The following ZSWIM4 variants were observed in gnomAD, a reference collection of about 807,000 sequenced individuals.
ZSWIM4 encodes zinc finger SWIM domain-containing protein 4.
ZSWIM4 carries 62 observed loss-of-function variants against 102.5 expected under a neutral mutation model. The ratio of observed to expected loss-of-function variants is 0.60; its 90% CI spans 0.49 to 0.75. The LOEUF (loss-of-function observed/expected upper bound fraction) is 0.75, where lower values mean the gene tolerates loss of function less well. Ranked by LOEUF, ZSWIM4 falls within the 30% of genes least tolerant of loss-of-function variation. The pLI is 0.00. For synonymous variants in ZSWIM4, 652 were observed against 674.5 expected, an observed-to-expected ratio of 0.97 and a Z score of 0.52; for missense variants, 1,280 against 1,529.6, an observed-to-expected ratio of 0.84 and a Z score of 2.72.
intron 3 of ZSWIM4, among the ~76,000 whole-genome samples, chr19:13,805,979 A>T (rs1974909464): frequency 6.6e-6 from 1 of 151,236 alleles, no homozygotes; most frequent in Admixed American, 6.6e-5. Context: ...TCCAAAAAAA[A>T]AAAAAGCGTT....
rs1025988217 is a variant in ZSWIM4, at chr19:13,809,486, CG to C, written c.1012+267del. On this transcript the variant is annotated intron_variant, in intron 5 of 13. Coordinates refer to ENST00000590508, the MANE Select transcript of ZSWIM4 (RefSeq NM_001367834.3). This position sits in a 1 kb window ranked among gnomAD's most constrained non-coding sequence, Gnocchi z 4.2. ...CCAGGGGTTGATACACACGTACACA[CG>C]TTTTCTTTGTTTTGAGACAGGGTAT... is the stretch of plus-strand genomic sequence containing the variant. Among the ~76,000 whole-genome samples the C allele has an allele frequency of 6.6e-6, 1 of 152,140 alleles. No homozygotes were observed. Among genetic ancestry groups the C allele is most frequent in the African/African-American group, 2.4e-5 (1 of 41,446 alleles).
At chr19:13,798,323 G>A (rs770042861) in intron 1 of ZSWIM4, among the ~76,000 whole-genome samples, 24 of 152,034 alleles carry the variant, frequency 1.6e-4, no homozygotes, top group Non-Finnish European at 2.2e-4. Flanking sequence ...TTCTGTGTGT[G>A]TGTGTGTAGA....
rs1463589849 is a variant in ZSWIM4 at position 13,828,617 on chromosome 19, C to T, written c.2380-28C>T. 1.6e-5 allele frequency: 26 copies of T among 1,612,046 alleles called. No homozygotes were observed. In the East Asian group the frequency reaches 5.1e-4, roughly 32 times the overall value. ...TAGGCCAGCCCAAGACTCAGGCTAA[C>T]CCCCTTCTCCCCACCCCTACCTTGC... On this transcript the variant is annotated intron_variant, in intron 12 of 13. Transcript: ENST00000590508.
Position 13,825,656 on chromosome 19 carries a change from G to A in ZSWIM4, c.2322G>A (p.Pro774=), listed in dbSNP as rs764944710. ...AGGACGCCTGCAAGACAGCCACCCC[G>A]GTCAGCGCCCCACCAGACACCACGC... The part of the protein sequence containing the change: ...LAQDACKTAT[P]VSAPPDTTLL... Residue 774 remains proline (P), a synonymous_variant, in exon 12 of 14, where the codon CCG becomes CCA. Transcript: ENST00000590508. The surrounding 1 kb of genome is among the most constrained non-coding windows in gnomAD (Gnocchi z 4.6). 10 of 1,613,458 alleles carry A rather than the reference G, an allele frequency of 6.2e-6. No homozygotes were observed. The highest frequency in any genetic ancestry group is 1.3e-5 in the African/African-American group (1 of 75,062).
rs1190599231 is a variant in ZSWIM4 at position 13,831,762 on chromosome 19, G to C, written c.*712G>C. ...TGCCCCTTCCAACCTGGGGTTGGGGGACACAGACGCGAGAGAGCCGGAGAC... is the reference window on the plus strand; with the variant it reads ...TGCCCCTTCCAACCTGGGGTTGGGGCACACAGACGCGAGAGAGCCGGAGAC... On this transcript the variant is annotated 3_prime_UTR_variant, in exon 14 of 14. Transcript: ENST00000590508. 1 of 152,484 alleles carries C rather than the reference G, an allele frequency of 6.6e-6. No homozygotes were observed. Among genetic ancestry groups the C allele is most frequent in the East Asian group, 1.9e-4 (1 of 5,176 alleles). 9.4% of individuals were successfully genotyped at this position (152,484 alleles called of 1,614,324 possible).
intron 8 of ZSWIM4, 170 bp from the exon 9 acceptor site, chr19:13,817,552 G>A (rs1289620095): frequency 1.9e-6 from 2 of 1,042,798 alleles, no homozygotes; most frequent in Admixed American, 2.9e-5. Context: ...AGGCCTAGCT[G>A]CTGCTAGAAG....
At chr19:13,808,734 C>T (rs1186231115) in intron 3 of ZSWIM4, 102 bp from the exon 4 acceptor site, 63 of 1,218,326 alleles carry the variant, frequency 5.2e-5, no homozygotes, top group Middle Eastern at 2.9e-4. Context: ...AGCCAAACTC[C>T]GTCTCCAAAA....
chr19:13,819,756 C>T (rs1445569463), intron 10 of ZSWIM4, among the ~76,000 whole-genome samples: 1 of 150,878 alleles, frequency 6.6e-6, no homozygotes, highest in Non-Finnish European at 1.5e-5. Context: ...GCAACCTCCA[C>T]CTCCTGGGTT....
intron 3 of ZSWIM4, among the ~76,000 whole-genome samples, chr19:13,808,031 A>G (rs1974965705): frequency 6.6e-6 from 1 of 152,262 alleles, no homozygotes; most frequent in Admixed American, 6.5e-5. Flanking sequence ...ACATCTTCAC[A>G]TGGCTGTCAG....
Position 13,825,815 on chromosome 19 carries a change from G to T in ZSWIM4, c.2379+102G>T. 5 of 1,422,426 alleles carry T rather than the reference G, an allele frequency of 3.5e-6. No individual in the cohort carries two copies. Among genetic ancestry groups the T allele is most frequent in the South Asian group, 2.8e-5 (2 of 72,358 alleles). 88.1% of individuals were successfully genotyped at this position (1,422,426 alleles called of 1,614,324 possible). On this transcript the variant is annotated intron_variant, in intron 12 of 13. Transcript: ENST00000590508. The surrounding 1 kb of genome is among the most constrained non-coding windows in gnomAD (Gnocchi z 4.6). The stretch of plus-strand genomic sequence containing the variant: ...GCATGGGCTGAGTGTGAGCCACTTC[G>T]CTGGGGGCCCGGCATTTGCGTGAGC...
chr19:13,801,007 G>C (rs1340207627), intron 2 of ZSWIM4, among the ~76,000 whole-genome samples: 1 of 152,150 alleles, frequency 6.6e-6, no homozygotes, highest in Non-Finnish European at 1.5e-5. Flanking sequence ...GCTGGGCATG[G>C]TGGCGGGTGC....
chr19:13,797,039 G>C (rs76741973), intron 1 of ZSWIM4: 7,573 of 152,396 alleles, frequency 0.05, 601 homozygotes, highest in African/African-American at 0.17. Context: ...TAGGGGCTAA[G>C]GAGGGCCCCT....
chr19:13,811,651 T>C (rs76621017), intron 5 of ZSWIM4, among the ~76,000 whole-genome samples: 2,802 of 152,256 alleles, frequency 0.018, 86 homozygotes, highest in African/African-American at 0.064. Context: ...TTAGACGACA[T>C]GATGAGACCC....
At chr19:13,800,108 C>G (rs925728620) in intron 2 of ZSWIM4, among the ~76,000 whole-genome samples, 187 bp downstream of exon 2, 2 of 140,882 alleles carry the variant, frequency 1.4e-5, no homozygotes, top group Non-Finnish European at 3.0e-5. Flanking sequence ...CGCTCTTTGG[C>G]CCAGGCCGGA....
At chr19:13,816,600 AG>A (rs1256809847) in intron 7 of ZSWIM4, among the ~76,000 whole-genome samples, 1 of 152,158 alleles carries the variant, frequency 6.6e-6, no homozygotes, top group African/African-American at 2.4e-5. Context: ...ATTGCACTCT[AG>A]TCTGGGCAAC....
At chr19:13,827,184 G>C (rs1447552309) in intron 12 of ZSWIM4, among the ~76,000 whole-genome samples, 1 of 152,128 alleles carries the variant, frequency 6.6e-6, no homozygotes, top group Non-Finnish European at 1.5e-5. Flanking sequence ...CTCCTCAGGA[G>C]GCTGAGGCGA....
chr19:13,808,761 AGG>A, intron 3 of ZSWIM4, 73 bp from the exon 4 acceptor site: 11 of 1,192,376 alleles, frequency 9.2e-6, no homozygotes, highest in East Asian at 2.8e-5. Context: ...AAAAAAAAAA[AGG>A]ACAGCTCTCC....
In ZSWIM4 at chr19:13,828,678, C is replaced by A. The variant is rs772188530; in HGVS notation, c.2413C>A (p.Arg805=). 6.2e-6 allele frequency: 10 copies of A among 1,613,920 alleles called. No homozygotes were observed. Among genetic ancestry groups the A allele is most frequent in the Middle Eastern group, 1.6e-4 (1 of 6,084 alleles). Residue 805 remains arginine (R), a synonymous_variant, in exon 13 of 14, where the codon CGG becomes AGG. Transcript: ENST00000590508. ...GATGACTCTGAACGTAATGACCTGG[C>A]GGCGGAGGGAGATGGTGCGCTGGCT... ...MRMTLNVMTW[R]RREMVRWLVS... is the part of the protein sequence containing the mutation.
At position 13,825,817 on chromosome 19, in the gene ZSWIM4, T is replaced by TG; in HGVS notation, c.2379+109dup. 7.1e-7 allele frequency: 1 copy of TG among 1,410,074 alleles called. No individual in the cohort carries two copies. Among genetic ancestry groups the TG allele is most frequent in the Non-Finnish European group, 9.4e-7 (1 of 1,061,102 alleles). 87.3% of individuals were successfully genotyped at this position (1,410,074 alleles called of 1,614,324 possible). A position where few individuals can be genotyped will look rare whatever the true frequency, so the allele number is the denominator to read the frequency against. ...ATGGGCTGAGTGTGAGCCACTTCGC[T>TG]GGGGGCCCGGCATTTGCGTGAGCTA... On this transcript the variant is annotated intron_variant, in intron 12 of 13. Transcript: ENST00000590508. This position sits in a 1 kb window ranked among gnomAD's most constrained non-coding sequence, Gnocchi z 4.6.
Sources: allele counts gnomAD v4.1 joint callset (sites outside exome capture counted in the v4.1 genomes callset), GRCh38; gene constraint gnomAD v4.1.1; non-coding constraint Gnocchi (gnomAD v3.1); transcripts MANE v1.5; gene names NCBI Gene and HGNC (gene_info 2026-07-23, HGNC 2026-07-21).